TOR1AIP1: variants seen among roughly 807,000 people sequenced by gnomAD.
The protein encoded by TOR1AIP1 is torsin 1A interacting protein 1.
TOR1AIP1 carries 54 observed loss-of-function variants against 63.3 expected under a neutral mutation model. That is an observed-to-expected ratio of 0.85 (90% CI 0.69 to 1.07). The LOEUF (loss-of-function observed/expected upper bound fraction) is 1.07. TOR1AIP1 is among the 50% of genes least tolerant of loss of function. The pLI, the probability that TOR1AIP1 is intolerant of heterozygous loss-of-function variation, is 0.00. For missense variants in TOR1AIP1, 736 were observed against 715.0 expected (o/e 1.03, Z -0.33); for synonymous variants, 294 against 273.5 (o/e 1.07, Z -0.74).
At chr1:179,914,146 G>A (rs976332717) in intron 9 of TOR1AIP1, 92 bp downstream of exon 9, 10 of 1,069,490 alleles carry the variant, frequency 9.4e-6, no homozygotes, top group African/African-American at 1.6e-5. Context: ...AGTATGACTC[G>A]ATGCTATTTG....
intron 3 of TOR1AIP1, among the ~76,000 whole-genome samples, chr1:179,893,261 CAAACA>C (rs1422416208): frequency 1.4e-5 from 2 of 147,178 alleles, no homozygotes; most frequent in African/African-American, 5.1e-5. Context: ...AACAAACAAA[CAAACA>C]AAAAAAAAAA....
chr1:179,887,858 A>G (rs1362718713), intron 2 of TOR1AIP1: 4 of 152,182 alleles, frequency 2.6e-5, no homozygotes, highest in Admixed American at 6.5e-5. Context: ...CATTCTCCAG[A>G]TAATTATTGA....
At position 179,899,934 on chromosome 1, in the gene TOR1AIP1, T is replaced by C. The variant is rs188680060; in HGVS notation, c.611-192T>C. 3.1e-3 allele frequency among the ~76,000 whole-genome samples: 473 copies of C among 152,354 alleles called. 1 individual carries two copies. The highest frequency in any genetic ancestry group is 9.3e-3 in the African/African-American group (387 of 41,590). Reference sequence around the variant, plus strand: ...TGCCGGGATTATAGGCGTGAGCCACTGCACCCGGCCAATTCTTAGTGATTT... The same window carrying C: ...TGCCGGGATTATAGGCGTGAGCCACCGCACCCGGCCAATTCTTAGTGATTT... On this transcript the variant is annotated intron_variant, in intron 3 of 9. Transcript: ENST00000606911.
At chr1:179,883,509 G>T in intron 1 of TOR1AIP1, 1 of 409,940 alleles carries the variant, frequency 2.4e-6, no homozygotes, top group Non-Finnish European at 4.9e-6. Flanking sequence ...TTAGTGAATT[G>T]ATTTGAGACC....
intron 6 of TOR1AIP1, among the ~76,000 whole-genome samples, chr1:179,906,025 A>G (rs541595108): frequency 1.2e-4 from 18 of 152,284 alleles, no homozygotes; most frequent in Non-Finnish European, 2.5e-4. Flanking sequence ...GTTGATCAAG[A>G]TATATTTCAT....
intron 3 of TOR1AIP1, among the ~76,000 whole-genome samples, chr1:179,899,542 A>G (rs1648382706): frequency 6.6e-6 from 1 of 152,228 alleles, no homozygotes; most frequent in African/African-American, 2.4e-5. Context: ...AAACCTATAC[A>G]CACTAGAATA....
At position 179,916,700 on chromosome 1, in the gene TOR1AIP1, C is replaced by CTTTTTTTT. The variant is rs3029850; in HGVS notation, c.965-738_965-731dup. 9.6e-3 allele frequency among the ~76,000 whole-genome samples: 909 copies of CTTTTTTTT among 94,984 alleles called. 2 individuals are homozygous for CTTTTTTTT. Among genetic ancestry groups the CTTTTTTTT allele is most frequent in the Middle Eastern group, 0.019 (2 of 104 alleles). The allele number at this position is 94,984 out of a possible 152,430, so 62.3% of individuals were successfully genotyped here. A position where few individuals can be genotyped will look rare whatever the true frequency, so the allele number is the denominator to read the frequency against. On this transcript the variant is annotated intron_variant, in intron 9 of 9. Coordinates refer to ENST00000606911, the MANE Select transcript of TOR1AIP1 (RefSeq NM_015602.4). ...ATGTTCATTTATATTGCATCCTTTT[C>CTTTTTTTT]TTTTTTTTTTTTTTTTTTTTTGAGA...
intron 9 of TOR1AIP1, among the ~76,000 whole-genome samples, chr1:179,917,213 C>CT (rs1331925091): frequency 6.6e-6 from 1 of 152,096 alleles, no homozygotes; most frequent in East Asian, 1.9e-4. Flanking sequence ...TCCTCAAAGA[C>CT]TTATTTTTAT....
intron 3 of TOR1AIP1, among the ~76,000 whole-genome samples, chr1:179,891,501 G>T (rs1346250090): frequency 6.6e-6 from 1 of 151,990 alleles, no homozygotes; most frequent in Non-Finnish European, 1.5e-5. Context: ...GGGATTACAG[G>T]CATGAGCCAC....
At chr1:179,901,540 C>T (rs957185232) in intron 5 of TOR1AIP1, 152 bp downstream of exon 5, 35 of 442,942 alleles carry the variant, frequency 7.9e-5, no homozygotes, top group Middle Eastern at 6.1e-4. Flanking sequence ...TTACTGATTT[C>T]GTGTTCATCC....
At chr1:179,905,309 G>T (rs114584264) in intron 6 of TOR1AIP1, among the ~76,000 whole-genome samples, 7,899 of 152,182 alleles carry the variant, frequency 0.052, 311 homozygotes, top group Non-Finnish European at 0.068. Flanking sequence ...TGAGGGGGCA[G>T]TGCGGAGCTT....
chr1:179,897,864 G>A (rs570076611), intron 3 of TOR1AIP1, among the ~76,000 whole-genome samples: 50 of 152,288 alleles, frequency 3.3e-4, no homozygotes, highest in Admixed American at 6.5e-4. Context: ...TTGGGAGGCT[G>A]AGGCAGGCAG....
chr1:179,902,157 G>T (rs2148477439), intron 5 of TOR1AIP1, among the ~76,000 whole-genome samples: 1 of 148,058 alleles, frequency 6.8e-6, no homozygotes, highest in Non-Finnish European at 1.5e-5. Context: ...CCCCAAGCAG[G>T]TGGGATTACA....
Position 179,918,112 on chromosome 1 carries a change from A to G in TOR1AIP1, c.1625A>G (p.Asn542Ser), listed in dbSNP as rs1434274115. 6 of 1,614,094 alleles carry G rather than the reference A, an allele frequency of 3.7e-6. No homozygotes were observed. The highest frequency in any genetic ancestry group is 4.2e-6 in the Non-Finnish European group (5 of 1,180,040). ...VRDFLKVKFT[N>S]SNTPNSYNHM... The stretch of plus-strand genomic sequence containing the variant: ...GATTTTCTTAAAGTCAAGTTCACCA[A>G]TTCTAACACACCCAACTCCTACAAT... Residue 542 changes from asparagine to serine, a missense_variant, in exon 10 of 10, where the codon AAT (asparagine) becomes AGT (serine). By Grantham distance (46) the Asn-to-Ser change is conservative (BLOSUM62 1). Coordinates refer to ENST00000606911, the MANE Select transcript of TOR1AIP1 (RefSeq NM_015602.4).
chr1:179,917,303 T>C, intron 9 of TOR1AIP1, 149 bp from the exon 10 acceptor site: 1 of 707,312 alleles, frequency 1.4e-6, no homozygotes, highest in South Asian at 2.0e-5. Flanking sequence ...TGATAAATTA[T>C]TTTATTAAGA....
chr1:179,905,967 A>G (rs1648622794), intron 6 of TOR1AIP1, among the ~76,000 whole-genome samples: 1 of 152,130 alleles, frequency 6.6e-6, no homozygotes, highest in African/African-American at 2.4e-5. Flanking sequence ...AAAAAGAAAT[A>G]CTATTTAGAA....
In TOR1AIP1 at chr1:179,882,539, G is replaced by C. The variant is rs749592068; in HGVS notation, c.37G>C (p.Glu13Gln). The change falls in exon 1 of 10, where the codon GAA (glutamate) becomes CAA (glutamine). Residue 13 changes from glutamate to glutamine, a missense_variant. Coordinates refer to ENST00000606911, the MANE Select transcript of TOR1AIP1 (RefSeq NM_015602.4). ...GDGRRAEAVR[E>Q]GWGVYVTPRA... ...CGGGCGGCGGGCAGAGGCGGTGCGG[G>C]AAGGATGGGGTGTGTACGTCACCCC... 2 of 1,480,132 alleles carry C rather than the reference G, an allele frequency of 1.4e-6. No individual in the cohort carries two copies. Among genetic ancestry groups the C allele is most frequent in the Non-Finnish European group, 1.8e-6 (2 of 1,117,074 alleles). 91.7% of individuals were successfully genotyped at this position (1,480,132 alleles called of 1,614,324 possible).
chr1:179,911,126 G>T (rs1648820135), intron 8 of TOR1AIP1, among the ~76,000 whole-genome samples: 1 of 152,182 alleles, frequency 6.6e-6, no homozygotes, highest in South Asian at 2.1e-4. Flanking sequence ...CACACCAGAA[G>T]TGTGCATGTA....
In TOR1AIP1 at chr1:179,918,254, G is replaced by T. The variant is rs1649088805; in HGVS notation, c.*15G>T. ...TCTGCTTATAAGAAGTGAGAGAGAAGAAAAATCATGTCCCAAGTTCTGAGA... is the reference window on the plus strand; with the variant it reads ...TCTGCTTATAAGAAGTGAGAGAGAATAAAAATCATGTCCCAAGTTCTGAGA... On this transcript the variant is annotated 3_prime_UTR_variant, in exon 10 of 10. Transcript: ENST00000606911. 6.4e-7 allele frequency: 1 copy of T among 1,559,458 alleles called. No homozygotes were observed. Among genetic ancestry groups the T allele is most frequent in the East Asian group, 2.2e-5 (1 of 44,578 alleles).
Sources: gnomAD v4.1 joint callset for allele counts (sites outside exome capture counted in the v4.1 genomes callset) on GRCh38, gnomAD v4.1.1 for gene constraint, MANE v1.5 for transcripts, NCBI Gene and HGNC (gene_info 2026-07-23, HGNC 2026-07-21) for gene names.